The following PDE4D variants were observed in gnomAD, a reference collection of about 807,000 sequenced individuals.
The protein encoded by PDE4D is phosphodiesterase 4D.
PDE4D carries 24 observed loss-of-function variants against 87.4 expected under a neutral mutation model. That is an observed-to-expected ratio of 0.27 (90% CI 0.20 to 0.39). The LOEUF is 0.39. Among genes scored for constraint, PDE4D ranks in the 10% least tolerant of loss-of-function variants. The pLI, the probability that PDE4D is intolerant of heterozygous loss-of-function variation, is 1.00. For synonymous variants in PDE4D, 384 were observed against 383.2 expected, an observed-to-expected ratio of 1.00 and a Z score of -0.02; for missense variants, 714 against 1,041.0, an observed-to-expected ratio of 0.69 and a Z score of 4.32.
chr5:59,595,193 A>G lies in PDE4D; in HGVS notation c.455+297975T>C, dbSNP rs551145354. On this transcript the variant is annotated intron_variant, in intron 1 of 14. Transcript: ENST00000340635. ...CATTTTCTTTACAATTGCTTGAAGC[A>G]AAGATGTAATTTTATCAAGAATGTT... Among the ~76,000 whole-genome samples, 6 of 152,336 alleles carry G rather than the reference A, an allele frequency of 3.9e-5. No homozygotes were observed. In the South Asian group the frequency reaches 1.0e-3, roughly 26 times the overall value.
intron 1 of PDE4D, among the ~76,000 whole-genome samples, chr5:60,434,439 T>C (rs553736708): frequency 1.3e-5 from 2 of 150,642 alleles, no homozygotes; most frequent in Admixed American, 1.3e-4. Flanking sequence ...ACATGTCTCT[T>C]TTTTTTTTAA....
intron 1 of PDE4D, among the ~76,000 whole-genome samples, chr5:60,458,083 T>G (rs760565640): frequency 6.6e-6 from 1 of 152,122 alleles, no homozygotes; most frequent in Non-Finnish European, 1.5e-5. Flanking sequence ...TTTTGGAGAA[T>G]AGCTAAGAAT....
chr5:59,537,242 T>A (rs1474279144), intron 1 of PDE4D, among the ~76,000 whole-genome samples: 1 of 152,242 alleles, frequency 6.6e-6, no homozygotes, highest in African/African-American at 2.4e-5. Context: ...AACTCTTAAC[T>A]GTCTGCCTGT....
chr5:59,892,099 G>T (rs144619259), intron 1 of PDE4D, among the ~76,000 whole-genome samples: 2 of 152,266 alleles, frequency 1.3e-5, no homozygotes, highest in African/African-American at 4.8e-5. Context: ...GGGATTCACG[G>T]CGTGGAAGGC....
chr5:60,237,364 T>A (rs193004109), intron 1 of PDE4D, among the ~76,000 whole-genome samples: 88 of 152,066 alleles, frequency 5.8e-4, no homozygotes, highest in African/African-American at 2.1e-3. Flanking sequence ...GACTAAAATG[T>A]CCCACAATAG....
chr5:59,599,598 A>G (rs1370764972), intron 1 of PDE4D, among the ~76,000 whole-genome samples: 1 of 152,164 alleles, frequency 6.6e-6, no homozygotes, highest in East Asian at 1.9e-4. Flanking sequence ...TAGGCAATAG[A>G]GACCTTTGCA....
At chr5:60,394,934 A>G (rs573962313) in intron 1 of PDE4D, among the ~76,000 whole-genome samples, 6 of 152,340 alleles carry the variant, frequency 3.9e-5, no homozygotes, top group African/African-American at 1.4e-4. Context: ...CAGCAACCCA[A>G]GGAATTCTTG....
rs75209321 is a variant in PDE4D at position 59,131,876 on chromosome 5, C to T, written c.808+48719G>A. Among the ~76,000 whole-genome samples, 462 of 152,152 alleles carry T rather than the reference C, an allele frequency of 3.0e-3. 9 individuals are homozygous for T. The East Asian group carries it at 0.055, about 18-fold the overall frequency. On this transcript the variant is annotated intron_variant, in intron 5 of 14. Transcript: ENST00000340635. ...GTTTTGAAATTCCAAAGTCTGGGAA[C>T]CATTGACTTAGCAGGGTTTTCCCAT...
intron 5 of PDE4D, among the ~76,000 whole-genome samples, chr5:59,137,664 C>A (rs10055095): frequency 0.88 from 132,992 of 151,984 alleles, 58,561 homozygotes; most frequent in African/African-American, 0.92. Context: ...GTAGCTGGGA[C>A]TACAGGCGCC....
intron 6 of PDE4D, among the ~76,000 whole-genome samples, chr5:59,011,035 G>C (rs1028500042): frequency 2.6e-5 from 4 of 152,132 alleles, no homozygotes; most frequent in African/African-American, 9.7e-5. Context: ...AACAGGGTCT[G>C]GAGTGGACCT....
chr5:59,344,377 C>T (rs913382850), intron 1 of PDE4D, among the ~76,000 whole-genome samples: 6 of 152,086 alleles, frequency 3.9e-5, no homozygotes, highest in African/African-American at 7.2e-5. Flanking sequence ...TGATATGAAT[C>T]GAGTGACTCT....
chr5:60,115,028 T>G (rs1294875716), intron 2 of PDE4D, among the ~76,000 whole-genome samples: 2 of 151,864 alleles, frequency 1.3e-5, no homozygotes, highest in Non-Finnish European at 2.9e-5. Context: ...AAAGCCATTA[T>G]ATAGAAAAAA....
chr5:60,012,215 A>G (rs1765083586), intron 2 of PDE4D, among the ~76,000 whole-genome samples: 1 of 152,206 alleles, frequency 6.6e-6, no homozygotes, highest in Admixed American at 6.5e-5. Context: ...GAACTTTTTA[A>G]TGGGCCGAAT....
chr5:60,276,927 A>G (rs1375119779), intron 1 of PDE4D, among the ~76,000 whole-genome samples: 4 of 151,772 alleles, frequency 2.6e-5, no homozygotes, highest in African/African-American at 9.7e-5. Context: ...ACTTGCCTAT[A>G]TCATTATATT....
intron 1 of PDE4D, among the ~76,000 whole-genome samples, chr5:59,722,987 T>C (rs1272033811): frequency 1.3e-5 from 2 of 152,134 alleles, no homozygotes; most frequent in East Asian, 3.9e-4. Context: ...TATTATATAG[T>C]CATGGTTCAG....
At chr5:60,231,540 T>C (rs544962979) in intron 1 of PDE4D, among the ~76,000 whole-genome samples, 8 of 151,950 alleles carry the variant, frequency 5.3e-5, no homozygotes, top group Non-Finnish European at 1.0e-4. Context: ...AATGATAGGA[T>C]CCATTTAAGT....
intron 1 of PDE4D, among the ~76,000 whole-genome samples, chr5:59,362,318 C>T (rs35286): frequency 0.66 from 99,853 of 151,982 alleles, 33,374 homozygotes; most frequent in South Asian, 0.77. Context: ...AGGCATACCA[C>T]TTTATCAGTT....
intron 5 of PDE4D, among the ~76,000 whole-genome samples, chr5:59,083,420 C>T (rs185329742): frequency 2.7e-4 from 41 of 151,918 alleles, no homozygotes; most frequent in African/African-American, 9.9e-4. Flanking sequence ...TGTTATTTTC[C>T]CACATCCTTT....
intron 1 of PDE4D, among the ~76,000 whole-genome samples, chr5:60,337,034 G>A (rs1757811486): frequency 6.6e-6 from 1 of 151,648 alleles, no homozygotes; most frequent in Non-Finnish European, 1.5e-5. Context: ...AATATAAATT[G>A]ATAGGCTGGA....
Sources: allele counts gnomAD v4.1 joint callset (sites outside exome capture counted in the v4.1 genomes callset), GRCh38; gene constraint gnomAD v4.1.1; transcripts MANE v1.5; gene names NCBI Gene and HGNC (gene_info 2026-07-23, HGNC 2026-07-21).